Variants in GRAMD1B observed in about 807,000 individuals in gnomAD.
GRAMD1B encodes GRAM domain containing 1B, also known as protein Aster-B.
GRAMD1B carries 37 observed loss-of-function variants against 99.7 expected under a neutral mutation model. That is an observed-to-expected ratio of 0.37 (90% CI 0.29 to 0.49). The LOEUF is 0.49. Among genes scored for constraint, GRAMD1B ranks in the 20% least tolerant of loss-of-function variants. The pLI is 0.98. For synonymous variants in GRAMD1B, 427 were observed against 387.6 expected (o/e 1.10, Z -1.19); for missense variants, 888 against 1,009.2 (o/e 0.88, Z 1.63).
At chr11:123,407,744 C>G (rs1350320103) in intron 1 of GRAMD1B, among the ~76,000 whole-genome samples, 1 of 152,150 alleles carries the variant, frequency 6.6e-6, no homozygotes, top group Non-Finnish European at 1.5e-5. Context: ...GTCATCTCCC[C>G]AAATTAAACG....
intron 2 of GRAMD1B, among the ~76,000 whole-genome samples, chr11:123,544,591 C>CT (rs1326286369): frequency 2.6e-5 from 4 of 152,206 alleles, no homozygotes; most frequent in Non-Finnish European, 5.9e-5. Flanking sequence ...CTTGCTAACT[C>CT]TCCCTGGGAG....
intron 5 of GRAMD1B, 84 bp from the exon 6 acceptor site, chr11:123,594,651 G>T: frequency 1.3e-6 from 1 of 756,268 alleles, no homozygotes; most frequent in Non-Finnish European, 2.4e-6. Context: ...CAGTGCTGGT[G>T]GGAGGGATGA....
chr11:123,447,189 T>A, intron 1 of GRAMD1B, among the ~76,000 whole-genome samples: 1 of 152,202 alleles, frequency 6.6e-6, no homozygotes, highest in East Asian at 1.9e-4. Flanking sequence ...TACCAAATCT[T>A]CACCTATTTC....
chr11:123,522,211 G>C (rs1157450253), intron 2 of GRAMD1B, among the ~76,000 whole-genome samples: 1 of 152,198 alleles, frequency 6.6e-6, no homozygotes, highest in African/African-American at 2.4e-5. Context: ...AAGATAAAGA[G>C]GGAAGTTAGA....
intron 1 of GRAMD1B, among the ~76,000 whole-genome samples, chr11:123,372,531 T>C (rs1457397846): frequency 6.6e-6 from 1 of 152,150 alleles, no homozygotes; most frequent in East Asian, 1.9e-4. Context: ...AGAAGGGGAC[T>C]CAGAGGTGGT....
At chr11:123,618,618 C>A (rs1434610092) in intron 17 of GRAMD1B, 75 bp from the exon 18 acceptor site, 2 of 896,076 alleles carry the variant, frequency 2.2e-6, no homozygotes, top group African/African-American at 3.3e-5. Context: ...GGACAGCAGC[C>A]TCTGGGATGG....
In GRAMD1B at chr11:123,618,759, G is replaced by T; in HGVS notation, c.2385G>T (p.Thr795=). The T allele has an allele frequency of 6.3e-7, 1 of 1,583,258 alleles. No homozygotes were observed. The highest frequency in any genetic ancestry group is 8.6e-7 in the Non-Finnish European group (1 of 1,163,264). ...FYKLWMLEYT[T]QTLTAWQGLR... is the part of the protein sequence containing the mutation. ...AACTCTGGATGTTGGAATACACCAC[G>T]CAGACCCTCACTGCCTGGCAGGGTC... Residue 795 remains threonine, a synonymous_variant, in exon 18 of 20, where the codon ACG becomes ACT. Coordinates refer to ENST00000635736, the MANE Select transcript of GRAMD1B (RefSeq NM_001387025.1).
chr11:123,480,939 G>C (rs1951563315), intron 2 of GRAMD1B, 46 bp downstream of exon 2: 2 of 398,592 alleles, frequency 5.0e-6, no homozygotes, highest in African/African-American at 2.1e-5. Context: ...GAATAGAGGG[G>C]GTGGGGTGGA....
intron 1 of GRAMD1B, among the ~76,000 whole-genome samples, chr11:123,422,679 A>G (rs73607911): frequency 0.025 from 3,846 of 152,288 alleles, 144 homozygotes; most frequent in African/African-American, 0.087. Flanking sequence ...ACCTCAGCCA[A>G]AAGGCCGAGA....
At chr11:123,612,369 G>A (rs1171938192) in intron 14 of GRAMD1B, among the ~76,000 whole-genome samples, 4 of 152,202 alleles carry the variant, frequency 2.6e-5, no homozygotes, top group Non-Finnish European at 5.9e-5. Flanking sequence ...GAAAGGATGA[G>A]CCGTCTTACT....
intron 1 of GRAMD1B, among the ~76,000 whole-genome samples, chr11:123,412,561 T>C (rs1948088770): frequency 6.6e-6 from 1 of 152,154 alleles, no homozygotes. Flanking sequence ...TCCTCCAAAC[T>C]ACAACACTCT....
At chr11:123,466,203 G>T (rs1950648599) in intron 1 of GRAMD1B, among the ~76,000 whole-genome samples, 1 of 151,994 alleles carries the variant, frequency 6.6e-6, no homozygotes, top group Non-Finnish European at 1.5e-5. Context: ...TTTAACCTGG[G>T]AGGTGGAGGT....
chr11:123,502,288 CT>C (rs1266030271), intron 2 of GRAMD1B, among the ~76,000 whole-genome samples: 2 of 152,202 alleles, frequency 1.3e-5, no homozygotes, highest in Non-Finnish European at 2.9e-5. Context: ...TCTTTCATCA[CT>C]GGCCTCCCCA....
upstream of GRAMD1B, among the ~76,000 whole-genome samples, chr11:123,429,858 C>T (rs892396780): frequency 2.6e-5 from 4 of 152,190 alleles, no homozygotes; most frequent in Admixed American, 6.5e-5. This position sits in a 1 kb window ranked among gnomAD's most constrained non-coding sequence, Gnocchi z 4.0. Context: ...CCACTACTCA[C>T]GCCCCCAAAT....
At chr11:123,420,482 A>G (rs1342956924) in intron 1 of GRAMD1B, among the ~76,000 whole-genome samples, 3 of 152,246 alleles carry the variant, frequency 2.0e-5, no homozygotes, top group Admixed American at 6.5e-5. Context: ...ATTTATTTCA[A>G]GGGAGTTCTG....
At chr11:123,443,469 A>G (rs558150632) in intron 1 of GRAMD1B, among the ~76,000 whole-genome samples, 3 of 152,316 alleles carry the variant, frequency 2.0e-5, no homozygotes, top group East Asian at 3.9e-4. Flanking sequence ...AATAATCAAT[A>G]CATGTGAGGT....
chr11:123,593,250 C>CAAAA (rs1950878611), intron 4 of GRAMD1B, among the ~76,000 whole-genome samples: 1 of 151,954 alleles, frequency 6.6e-6, no homozygotes, highest in Non-Finnish European at 1.5e-5. Flanking sequence ...AACAAACAAA[C>CAAAA]AAACAAACAA....
At chr11:123,590,408 C>T (rs150289995) in intron 4 of GRAMD1B, among the ~76,000 whole-genome samples, 19 of 152,314 alleles carry the variant, frequency 1.2e-4, no homozygotes, top group African/African-American at 3.4e-4. Context: ...TGCCCTGCCA[C>T]CTCCCCTCCC....
At chr11:123,386,888 T>C (rs1565465209) in intron 1 of GRAMD1B, among the ~76,000 whole-genome samples, 2 of 152,260 alleles carry the variant, frequency 1.3e-5, no homozygotes, top group African/African-American at 4.8e-5. Context: ...TAGCAAATTC[T>C]TCACTCTTGC....
Sources: allele counts gnomAD v4.1 joint callset (sites outside exome capture counted in the v4.1 genomes callset), GRCh38; gene constraint gnomAD v4.1.1; non-coding constraint Gnocchi (gnomAD v3.1); transcripts MANE v1.5; gene names NCBI Gene and HGNC (gene_info 2026-07-23, HGNC 2026-07-21).